POFUT3: variants seen among roughly 807,000 people sequenced by gnomAD.
The protein encoded by POFUT3 is protein O-fucosyltransferase 3.
the POFUT3 span, chr8:33,389,496 TG>T: frequency 2.5e-6 from 4 of 1,614,234 alleles, no homozygotes; most frequent in Non-Finnish European, 3.4e-6. Flanking sequence ...TAGCTGTCCC[TG>T]TCTGATGGTG....
the POFUT3 span, chr8:33,461,303 G>A: frequency 6.6e-7 from 1 of 1,505,582 alleles, no homozygotes; most frequent in South Asian, 1.3e-5. Context: ...GGAGTTTTGA[G>A]AAAATAGGGG....
chr8:33,358,401 T>TA, the POFUT3 span, among the ~76,000 whole-genome samples: 1 of 152,088 alleles, frequency 6.6e-6, no homozygotes, highest in Admixed American at 6.6e-5. Flanking sequence ...GAGGGATGTG[T>TA]AAAAAATACG....
At chr8:33,455,899 A>G in the POFUT3 span, 2 of 376,280 alleles carry the variant, frequency 5.3e-6, no homozygotes. Flanking sequence ...CCAAGGCCAA[A>G]AAAGAAAAAA....
chr8:33,409,538 C>T, the POFUT3 span, among the ~76,000 whole-genome samples: 1 of 152,198 alleles, frequency 6.6e-6, no homozygotes, highest in African/African-American at 2.4e-5. Flanking sequence ...GTACAGATTC[C>T]TTCTCTGGAA....
At chr8:33,453,118 C>A in the POFUT3 span, 6 of 1,221,136 alleles carry the variant, frequency 4.9e-6, no homozygotes, top group Non-Finnish European at 7.1e-6. Context: ...AAAGTGTTTT[C>A]AAGGGGAGCT....
chr8:33,437,182 G>A, the POFUT3 span, among the ~76,000 whole-genome samples: 5 of 152,234 alleles, frequency 3.3e-5, no homozygotes, highest in East Asian at 7.7e-4. Context: ...CACTTGGATT[G>A]ATTCCATGTC....
chr8:33,379,737 G>A, the POFUT3 span, among the ~76,000 whole-genome samples: 1 of 149,826 alleles, frequency 6.7e-6, no homozygotes, highest in Non-Finnish European at 1.5e-5. Context: ...TCAGGATGCT[G>A]AGGCAGGATA....
At chr8:33,338,959 A>G in the POFUT3 span, 1 of 152,232 alleles carries the variant, frequency 6.6e-6, no homozygotes, top group East Asian at 1.9e-4. Context: ...GATCAATGAA[A>G]AAAAGATCAG....
At chr8:33,465,086 A>G in the POFUT3 span, among the ~76,000 whole-genome samples, 1 of 152,160 alleles carries the variant, frequency 6.6e-6, no homozygotes, top group Admixed American at 6.6e-5. Flanking sequence ...GCTTCTTCAT[A>G]GTAAATAATA....
At chr8:33,459,538 A>C in the POFUT3 span, among the ~76,000 whole-genome samples, 1 of 151,548 alleles carries the variant, frequency 6.6e-6, no homozygotes, top group African/African-American at 2.4e-5. Context: ...GCTACTCAGG[A>C]GGCTGCGTTG....
chr8:33,441,330 CA>C, the POFUT3 span, among the ~76,000 whole-genome samples: 566 of 118,676 alleles, frequency 4.8e-3, 1 homozygote, highest in Non-Finnish European at 5.8e-3. Context: ...GACTCCATCT[CA>C]AAAAAAAAAA....
chr8:33,357,495 A>AATATAT, the POFUT3 span, among the ~76,000 whole-genome samples: 3 of 147,906 alleles, frequency 2.0e-5, no homozygotes, highest in South Asian at 2.1e-4. Context: ...TCCTCTTGCA[A>AATATAT]ATATATATAT....
chr8:33,395,850 C>T, the POFUT3 span, among the ~76,000 whole-genome samples: 1 of 152,132 alleles, frequency 6.6e-6, no homozygotes, highest in African/African-American at 2.4e-5. Flanking sequence ...CACTCACCTG[C>T]GTGCTCCCCT....
chr8:33,409,819 G>C, the POFUT3 span, among the ~76,000 whole-genome samples: 1 of 152,162 alleles, frequency 6.6e-6, no homozygotes, highest in Admixed American at 6.5e-5. Flanking sequence ...GCAGGAGAAT[G>C]GCGTGAACCC....
At chr8:33,341,014 T>C in the POFUT3 span, among the ~76,000 whole-genome samples, 1 of 152,084 alleles carries the variant, frequency 6.6e-6, no homozygotes. Context: ...TCAGAAAATA[T>C]ATACCAAGAT....
chr8:33,446,134 G>C, the POFUT3 span, among the ~76,000 whole-genome samples: 2 of 152,102 alleles, frequency 1.3e-5, no homozygotes, highest in Non-Finnish European at 2.9e-5. Flanking sequence ...TTCCAGTGGG[G>C]AAGGGGTCTG....
At chr8:33,332,079 G>C in the POFUT3 span, among the ~76,000 whole-genome samples, 3 of 151,860 alleles carry the variant, frequency 2.0e-5, no homozygotes, top group South Asian at 4.2e-4. Context: ...GGAGATAGAG[G>C]CTGCAGTGAG....
chr8:33,357,232 G>A, the POFUT3 span, among the ~76,000 whole-genome samples: 1 of 152,188 alleles, frequency 6.6e-6, no homozygotes, highest in East Asian at 1.9e-4. Context: ...GCTTGATGGG[G>A]ATGGCACTGA....
At chr8:33,383,941 C>A in the POFUT3 span, among the ~76,000 whole-genome samples, 1 of 150,022 alleles carries the variant, frequency 6.7e-6, no homozygotes, top group African/African-American at 2.5e-5. Context: ...ACCGTTCTGA[C>A]CCCTGAAAAA....
Sources: gnomAD v4.1 joint callset for allele counts (sites outside exome capture counted in the v4.1 genomes callset) on GRCh38, gnomAD v4.1.1 for gene constraint, MANE v1.5 for transcripts, NCBI Gene and HGNC (gene_info 2026-07-23, HGNC 2026-07-21) for gene names.